TEX11: variants seen among roughly 807,000 people sequenced by gnomAD.
TEX11 encodes testis-expressed protein 11.
TEX11 carries 7 observed loss-of-function variants against 84.4 expected under a neutral mutation model. The observed-to-expected ratio is 0.08, with a 90% CI of 0.05 to 0.16. The LOEUF (loss-of-function observed/expected upper bound fraction) is 0.16, where lower values mean the gene tolerates loss of function less well. Among genes scored for constraint, TEX11 ranks in the 10% least tolerant of loss-of-function variants. The pLI is 1.00. For synonymous variants in TEX11, 264 were observed against 222.8 expected (o/e 1.18, Z -1.64); for missense variants, 551 against 660.5 (o/e 0.83, Z 1.82).
At chrX:70,635,973 C>T (rs777002628) in intron 17 of TEX11, among the ~76,000 whole-genome samples, 5 of 111,690 alleles carry the variant, frequency 4.5e-5, no homozygotes, top group Non-Finnish European at 9.4e-5. Flanking sequence ...CGGTCCAAGT[C>T]TGCTCCAGCA....
chrX:70,729,157 T>A (rs752945063), intron 11 of TEX11, among the ~76,000 whole-genome samples: 1 of 103,052 alleles, frequency 9.7e-6, no homozygotes, highest in South Asian at 4.8e-4. Flanking sequence ...CAAAACCCCA[T>A]CTGTTTGTCA....
intron 4 of TEX11, among the ~76,000 whole-genome samples, chrX:70,865,908 T>C (rs760474432): frequency 8.9e-5 from 10 of 111,924 alleles, no homozygotes; most frequent in African/African-American, 3.2e-4. Context: ...GTGGGAAATT[T>C]ACAGCACTAA....
chrX:70,776,565 GA>G (rs781761552), intron 9 of TEX11, among the ~76,000 whole-genome samples: 270 of 87,909 alleles, frequency 3.1e-3, no homozygotes, highest in Non-Finnish European at 3.5e-3. Flanking sequence ...CCCTGTCTTG[GA>G]AAAAAAAAAA....
intron 11 of TEX11, among the ~76,000 whole-genome samples, chrX:70,730,560 C>G (rs975021289): frequency 2.7e-5 from 3 of 111,778 alleles, no homozygotes. Flanking sequence ...CAAAGAAGGC[C>G]ATTACATAAT....
chrX:70,797,274 ATG>A (rs971702440), intron 9 of TEX11, among the ~76,000 whole-genome samples: 4 of 111,911 alleles, frequency 3.6e-5, no homozygotes, highest in African/African-American at 1.3e-4. Flanking sequence ...ATGAAATACT[ATG>A]TAGCCATTTA....
chrX:70,892,732 C>CA (rs375483331), intron 2 of TEX11, among the ~76,000 whole-genome samples: 1,576 of 84,912 alleles, frequency 0.019, 23 homozygotes, highest in African/African-American at 0.061. Context: ...GACTTAGTCT[C>CA]AAAAAAAAAA....
intron 24 of TEX11, among the ~76,000 whole-genome samples, chrX:70,596,992 T>C (rs2147506062): frequency 9.0e-6 from 1 of 111,727 alleles, no homozygotes; most frequent in African/African-American, 3.2e-5. Context: ...TGAACAACTG[T>C]AAACCAACAA....
At chrX:70,712,417 C>T (rs1258492702) in intron 13 of TEX11, among the ~76,000 whole-genome samples, 3 of 111,657 alleles carry the variant, frequency 2.7e-5, no homozygotes, top group Non-Finnish European at 3.8e-5. Context: ...TCTTCCTACC[C>T]ATGAGCATGG....
intron 13 of TEX11, among the ~76,000 whole-genome samples, chrX:70,714,596 C>G (rs1043097980): frequency 7.2e-5 from 8 of 111,516 alleles, no homozygotes; most frequent in Non-Finnish European, 1.1e-4. Context: ...TCTGTATTAT[C>G]AGAGACTAGG....
chrX:70,750,933 A>AAAATATATATATAT (rs1390175136), intron 9 of TEX11, among the ~76,000 whole-genome samples: 29 of 28,184 alleles, frequency 1.0e-3, no homozygotes, highest in Middle Eastern at 0.023. Context: ...AAAAAAAAAA[A>AAAATATATATATAT]ATATATATAT....
intron 2 of TEX11, among the ~76,000 whole-genome samples, chrX:70,890,426 G>A (rs1000358482): frequency 1.8e-5 from 2 of 111,949 alleles, no homozygotes; most frequent in Non-Finnish European, 3.8e-5. Flanking sequence ...CACCCAAAAA[G>A]GGCAAGGGAT....
chrX:70,690,524 G>A (rs1472472676), intron 13 of TEX11, among the ~76,000 whole-genome samples: 2 of 110,948 alleles, frequency 1.8e-5, no homozygotes, highest in Non-Finnish European at 3.8e-5. Context: ...AAGACACCCT[G>A]TCTCTACAAA....
At chrX:70,683,722 C>T (rs1409445740) in intron 13 of TEX11, among the ~76,000 whole-genome samples, 1 of 111,855 alleles carries the variant, frequency 8.9e-6, no homozygotes, top group African/African-American at 3.3e-5. Context: ...AAGCCCTAAA[C>T]AAACTTGAAA....
intron 15 of TEX11, among the ~76,000 whole-genome samples, chrX:70,677,169 A>G (rs748851617): frequency 1.7e-4 from 19 of 112,110 alleles, no homozygotes; most frequent in Non-Finnish European, 3.4e-4. Context: ...TCCTATAAAT[A>G]TTCTTGAACT....
At chrX:70,626,217 G>A (rs2058457132) in intron 18 of TEX11, among the ~76,000 whole-genome samples, 2 of 111,058 alleles carry the variant, frequency 1.8e-5, no homozygotes, top group African/African-American at 3.3e-5. Flanking sequence ...TCAGGGCTAG[G>A]AGTAGGGTGG....
At chrX:70,657,436 C>T (rs1406845904) in intron 16 of TEX11, among the ~76,000 whole-genome samples, 10 of 97,492 alleles carry the variant, frequency 1.0e-4, no homozygotes, top group Non-Finnish European at 2.1e-4. Context: ...GGTAAATACC[C>T]TAAAAAGTTG....
intron 17 of TEX11, among the ~76,000 whole-genome samples, chrX:70,642,129 T>A (rs774058586): frequency 9.0e-6 from 1 of 111,405 alleles, no homozygotes; most frequent in East Asian, 2.8e-4. Context: ...CATCAGAGAA[T>A]ACTAAAAACA....
At chrX:70,630,874 A>G (rs1435477473) in intron 17 of TEX11, among the ~76,000 whole-genome samples, 1 of 112,395 alleles carries the variant, frequency 8.9e-6, no homozygotes, top group Non-Finnish European at 1.9e-5. Context: ...GAGTGGCTAT[A>G]TTAATATCAG....
intron 13 of TEX11, among the ~76,000 whole-genome samples, chrX:70,712,283 G>C (rs910229032): frequency 2.7e-5 from 3 of 111,128 alleles, no homozygotes; most frequent in African/African-American, 9.8e-5. Context: ...GCTCTTTTTT[G>C]GTTCCATATG....
Sources: gnomAD v4.1 joint callset for allele counts (sites outside exome capture counted in the v4.1 genomes callset) on GRCh38, gnomAD v4.1.1 for gene constraint, MANE v1.5 for transcripts, NCBI Gene and HGNC (gene_info 2026-07-23, HGNC 2026-07-21) for gene names.